The following NRCAM variants were observed in gnomAD, a reference collection of about 807,000 sequenced individuals.
NRCAM encodes the protein neuronal cell adhesion molecule, also known as NgCAM-related cell adhesion molecule.
NRCAM carries 83 observed loss-of-function variants against 156.5 expected under a neutral mutation model. That is an observed-to-expected ratio of 0.53 (90% CI 0.44 to 0.64). The LOEUF is 0.64. Among genes scored for constraint, NRCAM ranks in the 30% least tolerant of loss-of-function variants. NRCAM has a pLI of 0.00. For synonymous variants in NRCAM, 538 were observed against 563.9 expected (o/e 0.95, Z 0.65); for missense variants, 1,417 against 1,597.3 (o/e 0.89, Z 1.92).
intron 2 of NRCAM, among the ~76,000 whole-genome samples, chr7:108,383,118 CCACACACACACACACGCTCTCACA>C (rs1299188827): frequency 1.6e-5 from 2 of 128,820 alleles, no homozygotes; most frequent in African/African-American, 5.3e-5. Flanking sequence ...CTGAGTCACA[CCACACACACACACACGCTCTCACA>C]CACACACACA....
intron 2 of NRCAM, among the ~76,000 whole-genome samples, chr7:108,376,995 T>C (rs1469972382): frequency 6.6e-6 from 1 of 151,958 alleles, no homozygotes; most frequent in East Asian, 1.9e-4. Flanking sequence ...CAAAACCTCA[T>C]CTCTACAAAT....
intron 3 of NRCAM, among the ~76,000 whole-genome samples, chr7:108,299,979 G>A (rs927760088): frequency 1.6e-4 from 24 of 152,124 alleles, no homozygotes; most frequent in African/African-American, 5.6e-4. Context: ...GTGAGGATGA[G>A]ATAAAACATG....
intron 10 of NRCAM, 63 bp downstream of exon 10, chr7:108,225,582 G>A (rs2093306496): frequency 1.1e-6 from 1 of 948,660 alleles, no homozygotes; most frequent in Non-Finnish European, 1.7e-6. Flanking sequence ...TCATGGAGGT[G>A]AAGTTAGTGA....
At chr7:108,398,804 C>T (rs898000765) in intron 2 of NRCAM, among the ~76,000 whole-genome samples, 2 of 152,186 alleles carry the variant, frequency 1.3e-5, no homozygotes, top group Admixed American at 6.5e-5. Flanking sequence ...TATTTATGTG[C>T]CTGTCTCTTG....
chr7:108,268,633 G>GAA, intron 3 of NRCAM, among the ~76,000 whole-genome samples: 1 of 100,512 alleles, frequency 9.9e-6, no homozygotes, highest in Non-Finnish European at 2.1e-5. Flanking sequence ...GGTGGGGGGG[G>GAA]GTTGGGGGGG....
intron 1 of NRCAM, among the ~76,000 whole-genome samples, chr7:108,417,854 C>G (rs773280212): frequency 5.9e-5 from 9 of 152,180 alleles, no homozygotes; most frequent in Non-Finnish European, 1.2e-4. Flanking sequence ...CATTGCCCAG[C>G]TTTCCAATAC....
At chr7:108,237,174 G>A (rs1238795906) in intron 5 of NRCAM, among the ~76,000 whole-genome samples, 3 of 152,132 alleles carry the variant, frequency 2.0e-5, no homozygotes, top group Non-Finnish European at 2.9e-5. Flanking sequence ...AAAGGCAGTG[G>A]AAAGTTTTGC....
chr7:108,194,411 C>T lies in NRCAM; in HGVS notation c.1481G>A (p.Gly494Glu), dbSNP rs997913629. The change falls in exon 16 of 33, where the codon GGA (glycine) becomes GAA (glutamate). Residue 494 changes from glycine to glutamate, a missense_variant. By Grantham distance (98) the Gly-to-Glu change is moderately conservative. Around this residue, in one of 2 missense-constraint regions of NRCAM, gnomAD observed 1,238 missense variants for 1,336.4 expected, o/e 0.93. Coordinates refer to ENST00000379028, the MANE Select transcript of NRCAM (RefSeq NM_001037132.4). ...PTIEWFKGAK[G>E]SALHEDIYVL... ...ATAAATATCTTCATGAAGAGCACTT[C>T]CTTTAGCTCCTTTAAACCTTCATTA... The T allele has an allele frequency of 6.3e-7, 1 of 1,599,674 alleles. No homozygotes were observed. The highest frequency in any genetic ancestry group is 8.5e-7 in the Non-Finnish European group (1 of 1,173,246).
chr7:108,384,071 G>A lies in NRCAM; in HGVS notation c.-174+15365C>T, dbSNP rs187330352. On this transcript the variant is annotated intron_variant, in intron 2 of 32. Transcript: ENST00000379028. ...ATAAGAACTTATGAAAACAAAGAAGGGAACAGCAGACACTGGGGTCTACTT... is the reference window on the plus strand; with the variant it reads ...ATAAGAACTTATGAAAACAAAGAAGAGAACAGCAGACACTGGGGTCTACTT... Among the ~76,000 whole-genome samples the A allele has an allele frequency of 2.8e-4, 42 of 152,194 alleles. No homozygotes were observed. The East Asian group carries it at 8.1e-3, about 29-fold the overall frequency.
At chr7:108,186,728 G>C (rs760316736) in intron 20 of NRCAM, among the ~76,000 whole-genome samples, 2 of 152,092 alleles carry the variant, frequency 1.3e-5, no homozygotes, top group Non-Finnish European at 2.9e-5. Flanking sequence ...TTAAATAAAT[G>C]TAAGCAATTT....
At chr7:108,331,066 T>C (rs568931295) in intron 2 of NRCAM, among the ~76,000 whole-genome samples, 1 of 152,310 alleles carries the variant, frequency 6.6e-6, no homozygotes, top group East Asian at 1.9e-4. Context: ...AAATATTTTT[T>C]CATTTAAACC....
intron 20 of NRCAM, among the ~76,000 whole-genome samples, chr7:108,186,166 C>G (rs385432): frequency 0.68 from 103,417 of 152,112 alleles, 37,225 homozygotes; most frequent in East Asian, 0.96. Context: ...TATTATATGT[C>G]TTGCAGTGGT....
intron 3 of NRCAM, among the ~76,000 whole-genome samples, chr7:108,286,501 A>C (rs1006745607): frequency 1.3e-5 from 2 of 152,212 alleles, no homozygotes; most frequent in Non-Finnish European, 2.9e-5. Context: ...AAGGAGGTGG[A>C]AGAAAAGGAA....
intron 1 of NRCAM, among the ~76,000 whole-genome samples, chr7:108,410,352 T>C (rs1793901684): frequency 6.6e-6 from 1 of 152,182 alleles, no homozygotes; most frequent in Admixed American, 6.5e-5. Context: ...CTTTAAAACA[T>C]TACAAGCCAT....
intron 19 of NRCAM, 101 bp from the exon 20 acceptor site, chr7:108,189,847 G>A: frequency 1.6e-6 from 1 of 608,424 alleles, no homozygotes; most frequent in Non-Finnish European, 2.9e-6. Context: ...TAAAGACACA[G>A]CACACTTGAT....
At chr7:108,259,547 T>C (rs2096811381) in intron 3 of NRCAM, among the ~76,000 whole-genome samples, 1 of 152,204 alleles carries the variant, frequency 6.6e-6, no homozygotes, top group African/African-American at 2.4e-5. Context: ...TGCATGTGTA[T>C]GTTTGTTGCA....
intron 2 of NRCAM, among the ~76,000 whole-genome samples, chr7:108,340,848 G>A (rs1441083841): frequency 6.6e-6 from 1 of 152,156 alleles, no homozygotes; most frequent in Admixed American, 6.5e-5. Context: ...TTATCACTCA[G>A]TCAGCTACAG....
intron 8 of NRCAM, among the ~76,000 whole-genome samples, chr7:108,228,482 G>GT (rs1300147962): frequency 2.0e-5 from 3 of 152,152 alleles, no homozygotes; most frequent in African/African-American, 7.2e-5. Flanking sequence ...CTTCATGAGG[G>GT]TGGTGGCATT....
chr7:108,444,316 G>A (rs1285479586), intron 1 of NRCAM, among the ~76,000 whole-genome samples: 1 of 151,930 alleles, frequency 6.6e-6, no homozygotes, highest in Admixed American at 6.6e-5. Flanking sequence ...GGATACTGAG[G>A]GATGACTCTA....
Sources: gnomAD v4.1 joint callset for allele counts (sites outside exome capture counted in the v4.1 genomes callset) on GRCh38, gnomAD v4.1.1 for gene constraint, gnomAD v4.1.1 regional missense constraint, MANE v1.5 for transcripts, NCBI Gene and HGNC (gene_info 2026-07-23, HGNC 2026-07-21) for gene names.